FBXW7: variants seen among roughly 807,000 people sequenced by gnomAD.
FBXW7 encodes the protein F-box/WD repeat-containing protein 7.
Under a neutral mutation model 86.3 loss-of-function variants are expected in FBXW7, and 11 were observed. The observed-to-expected ratio is 0.13, with a 90% CI of 0.08 to 0.21. The LOEUF is 0.21. Ranked by LOEUF, FBXW7 falls within the 10% of genes least tolerant of loss-of-function variation. FBXW7 has a pLI of 1.00. For synonymous variants in FBXW7, 313 were observed against 297.9 expected (o/e 1.05, Z -0.52); for missense variants, 488 against 847.4 (o/e 0.58, Z 5.27).
intron 2 of FBXW7, among the ~76,000 whole-genome samples, chr4:152,423,065 G>A (rs1739083700): frequency 6.6e-6 from 1 of 152,132 alleles, no homozygotes; most frequent in Admixed American, 6.5e-5. Flanking sequence ...TGGATCCAGA[G>A]GCTTTATTGA....
chr4:152,488,542 A>C (rs1408015611), intron 2 of FBXW7, among the ~76,000 whole-genome samples: 3 of 152,046 alleles, frequency 2.0e-5, no homozygotes, highest in Non-Finnish European at 1.5e-5. Context: ...CTAACTTTGC[A>C]ATTTTTCCCT....
At chr4:152,520,157 G>A (rs1379345691) in intron 2 of FBXW7, among the ~76,000 whole-genome samples, 3 of 152,234 alleles carry the variant, frequency 2.0e-5, no homozygotes, top group African/African-American at 4.8e-5. Context: ...TTACCGGCCG[G>A]GCGCGGTGGC....
intron 4 of FBXW7, among the ~76,000 whole-genome samples, chr4:152,366,699 G>A (rs187925154): frequency 6.6e-6 from 1 of 152,256 alleles, no homozygotes; most frequent in African/African-American, 2.4e-5. Flanking sequence ...CTATAAACTA[G>A]TTCAACCATT....
chr4:152,460,147 C>A (rs897600585), intron 2 of FBXW7, among the ~76,000 whole-genome samples: 4 of 152,038 alleles, frequency 2.6e-5, no homozygotes, highest in African/African-American at 9.7e-5. Context: ...CATATTTTAC[C>A]ACATTTTTAA....
At chr4:152,378,173 C>T (rs913189209) in intron 4 of FBXW7, among the ~76,000 whole-genome samples, 2 of 152,020 alleles carry the variant, frequency 1.3e-5, no homozygotes, top group Non-Finnish European at 2.9e-5. Context: ...TTTAAGATGA[C>T]GATACATAAG....
chr4:152,410,979 T>A (rs1033421362), intron 4 of FBXW7, among the ~76,000 whole-genome samples: 1 of 152,156 alleles, frequency 6.6e-6, no homozygotes, highest in African/African-American at 2.4e-5. Flanking sequence ...ACACAAATCA[T>A]GTTTCACCCG....
chr4:152,426,319 A>G (rs968995121), intron 2 of FBXW7, among the ~76,000 whole-genome samples: 2 of 151,916 alleles, frequency 1.3e-5, no homozygotes, highest in African/African-American at 4.8e-5. Flanking sequence ...AAGAATGAGG[A>G]AGAGTAAATA....
At chr4:152,410,174 A>G (rs1051433067) in intron 4 of FBXW7, among the ~76,000 whole-genome samples, 15 of 152,212 alleles carry the variant, frequency 9.9e-5, no homozygotes, top group Non-Finnish European at 2.2e-4. Context: ...GAAATAAGTT[A>G]GTGCAATTGG....
At chr4:152,339,780 A>T (rs1329856030) in intron 6 of FBXW7, among the ~76,000 whole-genome samples, 2 of 152,050 alleles carry the variant, frequency 1.3e-5, no homozygotes, top group Non-Finnish European at 2.9e-5. Context: ...CATCTCTACA[A>T]AAAAATTAGA....
intron 2 of FBXW7, among the ~76,000 whole-genome samples, chr4:152,456,684 T>C (rs1173554049): frequency 6.6e-6 from 1 of 152,222 alleles, no homozygotes; most frequent in Non-Finnish European, 1.5e-5. Flanking sequence ...AAGACATTAT[T>C]ATACAGCTAC....
At chr4:152,520,188 C>T (rs754983013) in intron 2 of FBXW7, among the ~76,000 whole-genome samples, 3 of 151,618 alleles carry the variant, frequency 2.0e-5, no homozygotes, top group Non-Finnish European at 4.4e-5. Context: ...AATCCCAGCA[C>T]TTTGGGAGGC....
At chr4:152,527,855 AAAAAT>A (rs1749655713) in intron 2 of FBXW7, among the ~76,000 whole-genome samples, 1 of 133,602 alleles carries the variant, frequency 7.5e-6, no homozygotes, top group Admixed American at 8.4e-5. Flanking sequence ...TTAAAAATTT[AAAAAT>A]TATATACACA....
At chr4:152,477,912 T>C (rs1374081360) in intron 2 of FBXW7, among the ~76,000 whole-genome samples, 1 of 152,172 alleles carries the variant, frequency 6.6e-6, no homozygotes, top group African/African-American at 2.4e-5. Flanking sequence ...TCTTTACTGA[T>C]ACTCTTTTTC....
intron 2 of FBXW7, among the ~76,000 whole-genome samples, chr4:152,461,828 CA>C (rs1471676211): frequency 6.6e-6 from 1 of 152,182 alleles, no homozygotes; most frequent in African/African-American, 2.4e-5. Context: ...CTGCAAACTT[CA>C]GTAAGTCCTC....
chr4:152,420,989 A>G (rs1035972125), intron 2 of FBXW7, among the ~76,000 whole-genome samples: 23 of 152,260 alleles, frequency 1.5e-4, no homozygotes, highest in Middle Eastern at 3.4e-3. Context: ...TCCAGCTAGA[A>G]AAGTCTTAGA....
At chr4:152,345,206 A>G (rs1175164248) in intron 6 of FBXW7, among the ~76,000 whole-genome samples, 1 of 152,172 alleles carries the variant, frequency 6.6e-6, no homozygotes, top group Non-Finnish European at 1.5e-5. Context: ...AGGATGGGAC[A>G]AAATTAAAAA....
At chr4:152,491,029 C>A (rs1007574653) in intron 2 of FBXW7, among the ~76,000 whole-genome samples, 1 of 152,084 alleles carries the variant, frequency 6.6e-6, no homozygotes, top group Non-Finnish European at 1.5e-5. Context: ...TTCACTCACA[C>A]GGCTTAATAC....
chr4:152,340,909 T>C (rs1302754400), intron 6 of FBXW7, among the ~76,000 whole-genome samples: 1 of 152,216 alleles, frequency 6.6e-6, no homozygotes, highest in Non-Finnish European at 1.5e-5. Flanking sequence ...ATTTTACTAG[T>C]TACTCAGGCC....
rs2126882144 is a variant in FBXW7 at position 152,411,719 on chromosome 4, C to T, written c.85G>A (p.Asp29Asn). 6.2e-7 allele frequency: 1 copy of T among 1,613,714 alleles called. No homozygotes were observed. The highest frequency in any genetic ancestry group is 8.5e-7 in the Non-Finnish European group (1 of 1,179,816). The change falls in exon 4 of 14, where the codon GAT becomes AAT. Residue 29 changes from aspartate to asparagine, a missense_variant. Asp to Asn is a conservative substitution (Grantham distance 23, BLOSUM62 1). Transcript: ENST00000281708. ...LRGNPSSSQV[D>N]EEQMNRVVEE... ...ACCACACGATTCATCTGTTCTTCAT[C>T]TACCTGGCTTGAGGAAGGGTTACCT...
Sources: gnomAD v4.1 joint callset for allele counts (sites outside exome capture counted in the v4.1 genomes callset) on GRCh38, gnomAD v4.1.1 for gene constraint, MANE v1.5 for transcripts, NCBI Gene and HGNC (gene_info 2026-07-23, HGNC 2026-07-21) for gene names.